Variants in ZMYND19 observed in about 807,000 individuals in gnomAD.
ZMYND19 encodes zinc finger MYND-type containing 19.
Under a neutral mutation model 32.0 loss-of-function variants are expected in ZMYND19, and 17 were observed. The observed-to-expected ratio is 0.53, with a 90% CI of 0.36 to 0.80. ZMYND19 has a LOEUF of 0.80. ZMYND19 is among the 30% of genes least tolerant of loss of function. ZMYND19 has a pLI of 0.00. For synonymous variants in ZMYND19, 124 were observed against 113.6 expected, an observed-to-expected ratio of 1.09 and a Z score of -0.58; for missense variants, 250 against 293.6, an observed-to-expected ratio of 0.85 and a Z score of 1.09.
At chr9:137,589,992 G>A (rs1030323284) in intron 1 of ZMYND19, 3 of 985,130 alleles carry the variant, frequency 3.0e-6, no homozygotes, top group Middle Eastern at 5.2e-4. Context: ...AGGGTGGCCA[G>A]GTGCACCCCA....
intron 5 of ZMYND19, 83 bp downstream of exon 5, chr9:137,582,900 C>G: frequency 6.4e-7 from 1 of 1,565,398 alleles, no homozygotes; most frequent in Non-Finnish European, 8.7e-7. Context: ...AATGGGACCC[C>G]GCGGTGGAGG....
At chr9:137,586,641 A>C (rs533508875) in intron 4 of ZMYND19, among the ~76,000 whole-genome samples, 16 of 152,302 alleles carry the variant, frequency 1.1e-4, no homozygotes, top group Admixed American at 3.9e-4. Flanking sequence ...GGTGTGGGGC[A>C]GAAGCCCTGC....
rs200764263 is a variant in ZMYND19 at position 137,585,543 on chromosome 9, G to GA, written c.359+1423dup. Among the ~76,000 whole-genome samples the GA allele has an allele frequency of 1.1e-3, 161 of 150,510 alleles. 1 individual carries two copies. Among genetic ancestry groups the GA allele is most frequent in the Non-Finnish European group, 1.6e-3 (106 of 67,548 alleles). On this transcript the variant is annotated intron_variant, in intron 4 of 5. Coordinates refer to ENST00000298585, the MANE Select transcript of ZMYND19 (RefSeq NM_138462.3). The stretch of plus-strand genomic sequence containing the variant: ...AATTTAATGAAATAAACAGAGCAGG[G>GA]AAAAAAAAACACCAGCCCAACAAGA...
Position 137,583,170 on chromosome 9 carries a change from G to C in ZMYND19, c.360-7C>G, listed in dbSNP as rs754996922. The C allele has an allele frequency of 6.2e-7, 1 of 1,613,060 alleles. No homozygotes were observed. Among genetic ancestry groups the C allele is most frequent in the Non-Finnish European group, 8.5e-7 (1 of 1,179,480 alleles). On this transcript the variant is annotated splice_region_variant and splice_polypyrimidine_tract_variant and intron_variant, in intron 4 of 5. Transcript: ENST00000298585. ...CCAATACAAGCTTTGCTCCCTTAAAGAAAGAAGCAGACACTTGAGTGCACT... is the reference window on the plus strand; with the variant it reads ...CCAATACAAGCTTTGCTCCCTTAAACAAAGAAGCAGACACTTGAGTGCACT...
chr9:137,584,482 C>T (rs1249143687), intron 4 of ZMYND19, among the ~76,000 whole-genome samples: 3 of 152,238 alleles, frequency 2.0e-5, no homozygotes. Flanking sequence ...CATTCAGTCA[C>T]AGGCTGGCCG....
Position 137,582,433 on chromosome 9 carries a change from C to T in ZMYND19, c.*110G>A. On this transcript the variant is annotated 3_prime_UTR_variant, in exon 6 of 6. Transcript: ENST00000298585. ...CATCGGGAGTCTCACGGCAGCTGTC[C>T]TGGGCCCGCAGCTGGCTTTTTTGGC... The T allele has an allele frequency of 6.8e-7, 1 of 1,476,706 alleles. No individual in the cohort carries two copies. The highest frequency in any genetic ancestry group is 9.1e-7 in the Non-Finnish European group (1 of 1,104,222). 91.5% of individuals were successfully genotyped at this position (1,476,706 alleles called of 1,614,324 possible).
chr9:137,582,740 G>T, intron 5 of ZMYND19, 54 bp from the exon 6 acceptor site: 1 of 1,590,896 alleles, frequency 6.3e-7, no homozygotes. Flanking sequence ...GCAGTGTGGG[G>T]CAAAGGCTGC....
Position 137,590,012 on chromosome 9 carries a change from G to A in ZMYND19, c.51+201C>T, listed in dbSNP as rs1205017416. 15 of 984,982 alleles carry A rather than the reference G, an allele frequency of 1.5e-5. No individual in the cohort carries two copies. The highest frequency in any genetic ancestry group is 2.3e-4 in the East Asian group (2 of 8,798). The allele number at this position is 984,982 out of a possible 1,614,324, so 61.0% of individuals were successfully genotyped here. On this transcript the variant is annotated intron_variant, in intron 1 of 5. Coordinates refer to ENST00000298585, the MANE Select transcript of ZMYND19 (RefSeq NM_138462.3). The surrounding 1 kb of genome is among the most constrained non-coding windows in gnomAD (Gnocchi z 4.2). ...GGCCAGGTGCACCCCAGAGCCGAGG[G>A]GTGCGTGCCCGCCGGCCTGCGAGAG...
At chr9:137,588,989 G>A (rs1842239061) in intron 1 of ZMYND19, 3 of 470,244 alleles carry the variant, frequency 6.4e-6, no homozygotes, top group South Asian at 2.6e-5. Flanking sequence ...CTTCATCCTC[G>A]CAGGGCTAAC....
chr9:137,582,517 G>A lies in ZMYND19; in HGVS notation c.*26C>T. On this transcript the variant is annotated 3_prime_UTR_variant, in exon 6 of 6. Transcript: ENST00000298585. ...GTGCCCAGGGTAGAGCCCGGGGGCT[G>A]TGAGTATGTGTGGCTCCCCTGCCCG... 8.1e-6 allele frequency: 13 copies of A among 1,601,730 alleles called. No individual in the cohort carries two copies. Among genetic ancestry groups the A allele is most frequent in the Non-Finnish European group, 7.6e-6 (9 of 1,177,276 alleles).
At position 137,582,409 on chromosome 9, in the gene ZMYND19, A is replaced by T. The variant is rs1842156616; in HGVS notation, c.*134T>A. The T allele has an allele frequency of 3.9e-6, 5 of 1,282,438 alleles. No individual in the cohort carries two copies. In the Admixed American group the frequency reaches 9.6e-5, roughly 25 times the overall value. 79.4% of individuals were successfully genotyped at this position (1,282,438 alleles called of 1,614,324 possible). ...TGTAACCACACAGACTGCCTGTGACATCGGGAGTCTCACGGCAGCTGTCCT... is the reference window on the plus strand; with the variant it reads ...TGTAACCACACAGACTGCCTGTGACTTCGGGAGTCTCACGGCAGCTGTCCT... On this transcript the variant is annotated 3_prime_UTR_variant, in exon 6 of 6. Coordinates refer to ENST00000298585, the MANE Select transcript of ZMYND19 (RefSeq NM_138462.3).
chr9:137,583,934 T>C (rs1842174619), intron 4 of ZMYND19, among the ~76,000 whole-genome samples: 1 of 151,996 alleles, frequency 6.6e-6, no homozygotes, highest in South Asian at 2.1e-4. Context: ...AGCCCAGGCC[T>C]GACAAAGACA....
At chr9:137,585,880 C>T (rs759842366) in intron 4 of ZMYND19, among the ~76,000 whole-genome samples, 7 of 152,272 alleles carry the variant, frequency 4.6e-5, no homozygotes, top group Admixed American at 1.3e-4. Flanking sequence ...TAGGGCAGTT[C>T]GCACTGCCTG....
At position 137,590,033 on chromosome 9, in the gene ZMYND19, G is replaced by A. The variant is rs1322472420; in HGVS notation, c.51+180C>T. 3 of 984,388 alleles carry A rather than the reference G, an allele frequency of 3.0e-6. No homozygotes were observed. Among genetic ancestry groups the A allele is most frequent in the Non-Finnish European group, 2.4e-6 (2 of 829,592 alleles). 61.0% of individuals were successfully genotyped at this position (984,388 alleles called of 1,614,324 possible). ...GAGGGGTGCGTGCCCGCCGGCCTGC[G>A]AGAGGAAGCTGCACCCGCGCGGGGC... On this transcript the variant is annotated intron_variant, in intron 1 of 5. Transcript: ENST00000298585. This position sits in a 1 kb window ranked among gnomAD's most constrained non-coding sequence, Gnocchi z 4.2.
Position 137,583,148 on chromosome 9 carries a change from A to G in ZMYND19, c.375T>C (p.Tyr125=), listed in dbSNP as rs763015503. Residue 125 remains tyrosine, a synonymous_variant, in exon 5 of 6, where the codon TAT becomes TAC. Transcript: ENST00000298585. ...TSSKQREQSL[Y]WLAIQQLPTD... Reference sequence around the variant, plus strand: ...TAGGCAGCTGCTGAATTGCAAGCCAATACAAGCTTTGCTCCCTTAAAGAAA... The same window carrying G: ...TAGGCAGCTGCTGAATTGCAAGCCAGTACAAGCTTTGCTCCCTTAAAGAAA... 8 of 1,614,058 alleles carry G rather than the reference A, an allele frequency of 5.0e-6. No individual in the cohort carries two copies. The South Asian group carries it at 5.5e-5, about 11-fold the overall frequency.
Position 137,582,519 on chromosome 9 carries a change from G to A in ZMYND19, c.*24C>T. On this transcript the variant is annotated 3_prime_UTR_variant, in exon 6 of 6. Coordinates refer to ENST00000298585, the MANE Select transcript of ZMYND19 (RefSeq NM_138462.3). ...GCCCAGGGTAGAGCCCGGGGGCTGT[G>A]AGTATGTGTGGCTCCCCTGCCCGTC... The A allele has an allele frequency of 6.2e-7, 1 of 1,602,962 alleles. No individual in the cohort carries two copies. Among genetic ancestry groups the A allele is most frequent in the Non-Finnish European group, 8.5e-7 (1 of 1,178,096 alleles).
rs1184716640 is a variant in ZMYND19 at position 137,590,122 on chromosome 9, GCCCCGGCCGCCGCCCGCACAACCGC to G, written c.51+66_51+90del. 86 of 976,090 alleles carry G rather than the reference GCCCCGGCCGCCGCCCGCACAACCGC, an allele frequency of 8.8e-5. No individual in the cohort carries two copies. The African/African-American group carries it at 1.5e-3, about 17-fold the overall frequency. The allele number at this position is 976,090 out of a possible 1,614,324, so 60.5% of individuals were successfully genotyped here. A position where few individuals can be genotyped will look rare whatever the true frequency, so the allele number is the denominator to read the frequency against. On this transcript the variant is annotated intron_variant, in intron 1 of 5. Transcript: ENST00000298585. The surrounding 1 kb of genome is among the most constrained non-coding windows in gnomAD (Gnocchi z 4.2). ...GGCCCATCCCGGGCTCCGCGCCCCC[GCCCCGGCCGCCGCCCGCACAACCGC>G]CCCCGGCCCCGCGCGGAGGCCTGGA...
Position 137,590,275 on chromosome 9 carries a change from C to T in ZMYND19, c.-12G>A, listed in dbSNP as rs1187461867. ...TTGAAGTCGGTCATGGCCGGGCCTG[C>T]GCTCTCGGCCGGCAGCGCCGCTCCC... On this transcript the variant is annotated 5_prime_UTR_variant, in exon 1 of 6. Coordinates refer to ENST00000298585, the MANE Select transcript of ZMYND19 (RefSeq NM_138462.3). This position sits in a 1 kb window ranked among gnomAD's most constrained non-coding sequence, Gnocchi z 4.2. 1 of 1,079,594 alleles carries T rather than the reference C, an allele frequency of 9.3e-7. No individual in the cohort carries two copies. The highest frequency in any genetic ancestry group is 1.1e-6 in the Non-Finnish European group (1 of 885,650). 66.9% of individuals were successfully genotyped at this position (1,079,594 alleles called of 1,614,324 possible). A position where few individuals can be genotyped will look rare whatever the true frequency, so the allele number is the denominator to read the frequency against.
Position 137,587,722 on chromosome 9 carries a change from C to A in ZMYND19, c.213G>T (p.Leu71=). The A allele has an allele frequency of 6.2e-7, 1 of 1,614,024 alleles. No individual in the cohort carries two copies. Among genetic ancestry groups the A allele is most frequent in the South Asian group, 1.1e-5 (1 of 91,088 alleles). Reference sequence around the variant, plus strand: ...GACAGCTTGGAAACACCCACCACAGCAGCTCATGAAGGAGTCTCCCAGAGC... The same window carrying A: ...GACAGCTTGGAAACACCCACCACAGAAGCTCATGAAGGAGTCTCCCAGAGC... ...GRGSGRLLHE[L]LWERHRGGVA... Residue 71 remains leucine (L), a synonymous_variant, in exon 3 of 6, where the codon CTG becomes CTT. Transcript: ENST00000298585.
Sources: allele counts gnomAD v4.1 joint callset (sites outside exome capture counted in the v4.1 genomes callset), GRCh38; gene constraint gnomAD v4.1.1; non-coding constraint Gnocchi (gnomAD v3.1); transcripts MANE v1.5; gene names NCBI Gene and HGNC (gene_info 2026-07-23, HGNC 2026-07-21).